GLI2: variants seen among roughly 807,000 people sequenced by gnomAD.
The protein encoded by GLI2 is GLI family zinc finger 2.
Under a neutral mutation model 78.9 loss-of-function variants are expected in GLI2, and 22 were observed. The observed-to-expected ratio is 0.28, with a 90% confidence interval of 0.20 to 0.40. The LOEUF (loss-of-function observed/expected upper bound fraction) is 0.40, where lower values mean the gene tolerates loss of function less well. Among genes scored for constraint, GLI2 ranks in the 10% least tolerant of loss-of-function variants. GLI2 has a pLI of 1.00. For missense variants in GLI2, 2,097 were observed against 2,213.2 expected (o/e 0.95, Z 1.05); for synonymous variants, 974 against 963.7 (o/e 1.01, Z -0.20).
At chr2:120,886,516 C>G (rs959608132) in intron 2 of GLI2, among the ~76,000 whole-genome samples, 1 of 152,166 alleles carries the variant, frequency 6.6e-6, no homozygotes, top group Non-Finnish European at 1.5e-5. Context: ...ATACTCCCAC[C>G]TTGGCCTCCC....
intron 2 of GLI2, among the ~76,000 whole-genome samples, chr2:120,828,094 G>C (rs1008480157): frequency 6.6e-6 from 1 of 152,234 alleles, no homozygotes; most frequent in Non-Finnish European, 1.5e-5. Flanking sequence ...AGAGCCTGAG[G>C]AGCAGGTCTA....
intron 2 of GLI2, among the ~76,000 whole-genome samples, chr2:120,827,386 A>G (rs919951859): frequency 2.0e-5 from 3 of 152,172 alleles, no homozygotes; most frequent in African/African-American, 7.2e-5. Context: ...CAGAAAACAG[A>G]ACAGGTGCTG....
intron 1 of GLI2, among the ~76,000 whole-genome samples, chr2:120,738,831 C>G (rs537925756): frequency 1.3e-5 from 2 of 152,282 alleles, no homozygotes; most frequent in South Asian, 4.1e-4. Flanking sequence ...CCGGGCTGCT[C>G]CCAAACTCAT....
At chr2:120,983,946 GGTGTGTGTGTGTGTGTGT>G (rs5833859) in intron 11 of GLI2, among the ~76,000 whole-genome samples, 2 of 143,212 alleles carry the variant, frequency 1.4e-5, no homozygotes, top group East Asian at 2.1e-4. Flanking sequence ...TGGTGTGTGG[GGTGTGTGTGTGTGTGTGT>G]GTGTGTGTGT....
intron 3 of GLI2, among the ~76,000 whole-genome samples, chr2:120,941,959 T>G (rs2104918980): frequency 6.6e-6 from 1 of 152,254 alleles, no homozygotes; most frequent in South Asian, 2.1e-4. Context: ...AACGCAGGAC[T>G]CAGACACCTT....
At chr2:120,968,590 A>G in intron 5 of GLI2, 124 bp from the exon 6 acceptor site, 2 of 774,446 alleles carry the variant, frequency 2.6e-6, no homozygotes, top group Admixed American at 1.9e-5. Flanking sequence ...CCACAGCTGG[A>G]AAGTCGGCAA....
intron 2 of GLI2, among the ~76,000 whole-genome samples, chr2:120,870,602 C>G (rs1688378266): frequency 6.6e-6 from 1 of 152,194 alleles, no homozygotes; most frequent in Non-Finnish European, 1.5e-5. Flanking sequence ...ATAGCGCTGG[C>G]TCACACCTGT....
intron 1 of GLI2, among the ~76,000 whole-genome samples, chr2:120,773,925 C>T (rs1558789423): frequency 7.6e-6 from 1 of 131,866 alleles, no homozygotes; most frequent in East Asian, 2.6e-4. Flanking sequence ...TTCCTTCCTT[C>T]CTTCCTTCCC....
chr2:120,740,486 C>T (rs1364425893), intron 1 of GLI2, among the ~76,000 whole-genome samples: 1 of 151,036 alleles, frequency 6.6e-6, no homozygotes, highest in African/African-American at 2.4e-5. Context: ...CTGTGAGTGC[C>T]GGGTTTCAGC....
At chr2:120,745,539 G>C (rs1247311586) in intron 1 of GLI2, among the ~76,000 whole-genome samples, 5 of 152,152 alleles carry the variant, frequency 3.3e-5, no homozygotes, top group Non-Finnish European at 7.3e-5. Flanking sequence ...TCAAGATTAG[G>C]GGCCTAGGAA....
chr2:120,790,340 A>G (rs1376036907), intron 1 of GLI2, among the ~76,000 whole-genome samples: 1 of 152,174 alleles, frequency 6.6e-6, no homozygotes, highest in Non-Finnish European at 1.5e-5. Flanking sequence ...GTGGGAAGCC[A>G]AGGTCAAGGT....
In GLI2 at chr2:120,780,350, C is replaced by A. The variant is rs372198766; in HGVS notation, c.-30-16941C>A. On this transcript the variant is annotated intron_variant, in intron 1 of 13. Coordinates refer to ENST00000361492, the MANE Select transcript of GLI2 (RefSeq NM_001374353.1). ...TGGGAGCAGGCATCTTCCCCTCTTTCTTGCAGAGAAGCAGAGACCACCATC... is the reference window on the plus strand; with the variant it reads ...TGGGAGCAGGCATCTTCCCCTCTTTATTGCAGAGAAGCAGAGACCACCATC... Among the ~76,000 whole-genome samples the A allele has an allele frequency of 7.2e-5, 11 of 152,220 alleles. No individual in the cohort carries two copies. In the East Asian group the frequency reaches 1.2e-3, roughly 16 times the overall value.
intron 3 of GLI2, among the ~76,000 whole-genome samples, chr2:120,931,781 T>C (rs538526975): frequency 5.9e-5 from 9 of 152,316 alleles, no homozygotes; most frequent in African/African-American, 2.2e-4. Context: ...AGGTAGTTAC[T>C]TCCGTGAGGG....
intron 3 of GLI2, among the ~76,000 whole-genome samples, chr2:120,936,075 C>T (rs1454721470): frequency 6.6e-6 from 1 of 152,060 alleles, no homozygotes; most frequent in Non-Finnish European, 1.5e-5. Flanking sequence ...CCTCGGGGTC[C>T]CCACTGTCGG....
chr2:120,829,917 A>G (rs1387020115), intron 2 of GLI2, among the ~76,000 whole-genome samples: 1 of 152,168 alleles, frequency 6.6e-6, no homozygotes, highest in East Asian at 1.9e-4. Flanking sequence ...TGTGCTAGGC[A>G]TTCAGAGGGG....
chr2:120,984,714 G>A lies in GLI2; in HGVS notation c.1876G>A (p.Val626Ile), dbSNP rs773204708. 50 of 1,613,180 alleles carry A rather than the reference G, an allele frequency of 3.1e-5. No homozygotes were observed. The South Asian group carries it at 3.3e-4, about 11-fold the overall frequency. The part of the protein sequence containing the change: ...TSQAVEDCLH[V>I]RAIKTESSGL... ...CCAGGCCGTGGAGGACTGCCTGCAC[G>A]TCAGAGCCATCAAGACCGAGAGCTC... The change falls in exon 12 of 14, where the codon GTC becomes ATC. Residue 626 changes from valine (V) to isoleucine (I), a missense_variant. By Grantham distance (29) the Val-to-Ile change is conservative (BLOSUM62 3). Around this residue, in one of 5 missense-constraint regions of GLI2, gnomAD observed 68 missense variants for 104.4 expected, o/e 0.65. Transcript: ENST00000361492.
chr2:120,938,884 C>T (rs7601180), intron 3 of GLI2, among the ~76,000 whole-genome samples: 119,729 of 152,120 alleles, frequency 0.79, 52,149 homozygotes, highest in East Asian at 1. Context: ...GTCCTGCTCC[C>T]GGAATCCCTA....
chr2:120,751,970 G>T (rs1236138510), intron 1 of GLI2, among the ~76,000 whole-genome samples: 2 of 152,200 alleles, frequency 1.3e-5, no homozygotes, highest in Non-Finnish European at 2.9e-5. Flanking sequence ...TGATGCAAAA[G>T]TAATAAAGAT....
chr2:120,877,181 C>T (rs1431053862), intron 2 of GLI2, among the ~76,000 whole-genome samples: 2 of 152,200 alleles, frequency 1.3e-5, no homozygotes, highest in African/African-American at 4.8e-5. Flanking sequence ...TGAGCACTGT[C>T]CCTGGAGCTC....
Sources: gnomAD v4.1 joint callset for allele counts (sites outside exome capture counted in the v4.1 genomes callset) on GRCh38, gnomAD v4.1.1 for gene constraint, gnomAD v4.1.1 regional missense constraint, MANE v1.5 for transcripts, NCBI Gene and HGNC (gene_info 2026-07-23, HGNC 2026-07-21) for gene names.